STON1: variants seen among roughly 807,000 people sequenced by gnomAD.
STON1 encodes stonin-1.
A neutral mutation model predicts 60.9 loss-of-function variants in STON1; 79 were observed. The observed-to-expected ratio is 1.30, with a 90% CI of 1.08 to 1.56. STON1 has a LOEUF of 1.56. Ranked by LOEUF, STON1 falls within the 40% of genes most tolerant of loss-of-function variation. The pLI, the probability that STON1 is intolerant of heterozygous loss-of-function variation, is 0.00. For synonymous variants in STON1, 363 were observed against 306.9 expected (o/e 1.18, Z -1.91); for missense variants, 1,166 against 858.9 (o/e 1.36, Z -4.47).
intron 3 of STON1, 108 bp downstream of exon 3, chr2:48,591,963 G>GTGTGTGT: frequency 7.0e-7 from 1 of 1,438,266 alleles, no homozygotes; most frequent in Admixed American, 2.3e-5. Flanking sequence ...TGTGTGGTGA[G>GTGTGTGT]ATTTGCCCTA....
chr2:48,536,623 A>C (rs955407393), intron 1 of STON1, among the ~76,000 whole-genome samples: 1 of 150,826 alleles, frequency 6.6e-6, no homozygotes, highest in African/African-American at 2.4e-5. Flanking sequence ...GTTAGCTATT[A>C]TTACTTTTTT....
intron 1 of STON1, among the ~76,000 whole-genome samples, chr2:48,544,198 G>GTGTGTC (rs147383869): frequency 2.6e-5 from 4 of 151,844 alleles, no homozygotes; most frequent in Admixed American, 6.6e-5. Context: ...GTGTGTGTGT[G>GTGTGTC]TGTCTGTCTG....
chr2:48,542,580 C>A (rs543720400), intron 1 of STON1, among the ~76,000 whole-genome samples: 49 of 152,298 alleles, frequency 3.2e-4, no homozygotes, highest in Non-Finnish European at 5.7e-4. Context: ...CTCTCCTATT[C>A]TTATTCTTTC....
chr2:48,538,783 T>C (rs1279748058), intron 1 of STON1, among the ~76,000 whole-genome samples: 1 of 147,872 alleles, frequency 6.8e-6, no homozygotes, highest in African/African-American at 2.5e-5. Context: ...TTTTTTTTTT[T>C]TTTTTTATAT....
At chr2:48,531,507 T>C (rs1671210160) in intron 1 of STON1, 1 of 152,436 alleles carries the variant, frequency 6.6e-6, no homozygotes, top group Non-Finnish European at 1.5e-5. Context: ...CATGACAGTC[T>C]TGCTTCTGTG....
At chr2:48,590,103 C>A (rs1674426595) in intron 2 of STON1, among the ~76,000 whole-genome samples, 1 of 152,166 alleles carries the variant, frequency 6.6e-6, no homozygotes. Context: ...CTTACTGTAT[C>A]CTCACTGCAG....
Position 48,530,226 on chromosome 2 carries a change from C to G in STON1, c.-48+10C>G. ...CCCAACCGCGCTGCCGGTGAGTGACCAGCCCCAGGGGACAGAGACGGGAGG... is the reference window on the plus strand; with the variant it reads ...CCCAACCGCGCTGCCGGTGAGTGACGAGCCCCAGGGGACAGAGACGGGAGG... On this transcript the variant is annotated intron_variant, in intron 1 of 3. Transcript: ENST00000404752. The G allele has an allele frequency of 2.6e-6, 1 of 391,828 alleles. No individual in the cohort carries two copies. 24.3% of individuals were successfully genotyped at this position (391,828 alleles called of 1,614,324 possible). A position where few individuals can be genotyped will look rare whatever the true frequency, so the allele number is the denominator to read the frequency against.
chr2:48,595,616 G>T lies in STON1; in HGVS notation c.*314G>T. 1 of 322,662 alleles carries T rather than the reference G, an allele frequency of 3.1e-6. No homozygotes were observed. The allele number at this position is 322,662 out of a possible 1,614,324, so 20.0% of individuals were successfully genotyped here. ...CAGTATGATTTTTGATTACTCAGTG[G>T]CTGACTGTTTTGCTCTCTGGATTAC... On this transcript the variant is annotated 3_prime_UTR_variant, in exon 4 of 4. Transcript: ENST00000404752.
intron 1 of STON1, among the ~76,000 whole-genome samples, chr2:48,555,604 C>A (rs1220152752): frequency 2.2e-5 from 1 of 45,658 alleles, no homozygotes; most frequent in Non-Finnish European, 4.3e-5. Context: ...GGGGCTGACC[C>A]CCCCACCTCC....
Position 48,565,327 on chromosome 2 carries a change from C to T in STON1, c.-47-15260C>T, listed in dbSNP as rs192118334. On this transcript the variant is annotated intron_variant, in intron 1 of 3. Coordinates refer to ENST00000404752, the MANE Select transcript of STON1 (RefSeq NM_006873.4). The stretch of plus-strand genomic sequence containing the variant: ...TCGGCCTCCCAAAGTGCCAGGATTA[C>T]AGGCGTGAGCCACCGCGCCCAGCCT... 4.0e-3 allele frequency among the ~76,000 whole-genome samples: 609 copies of T among 152,284 alleles called. 2 individuals carry two copies. The highest frequency in any genetic ancestry group is 0.014 in the African/African-American group (582 of 41,564).
intron 1 of STON1, among the ~76,000 whole-genome samples, chr2:48,577,025 G>T (rs1353336785): frequency 6.6e-6 from 1 of 150,472 alleles, no homozygotes; most frequent in East Asian, 2.0e-4. Flanking sequence ...CTGCACTCCA[G>T]CCTGGGCGAC....
intron 1 of STON1, among the ~76,000 whole-genome samples, chr2:48,537,022 T>C (rs77125975): frequency 1.3e-5 from 2 of 152,202 alleles, no homozygotes; most frequent in Non-Finnish European, 2.9e-5. Flanking sequence ...AGTCTGCATA[T>C]AGATAATTCT....
At chr2:48,539,939 AG>A (rs1671589910) in intron 1 of STON1, among the ~76,000 whole-genome samples, 1 of 152,086 alleles carries the variant, frequency 6.6e-6, no homozygotes, top group Non-Finnish European at 1.5e-5. Flanking sequence ...TATGACCTCC[AG>A]CTTTTTGTAA....
intron 1 of STON1, among the ~76,000 whole-genome samples, chr2:48,580,283 G>T (rs1402836675): frequency 6.6e-6 from 1 of 151,950 alleles, no homozygotes. Context: ...GTCCTTCTTT[G>T]TCTCCTATGA....
Position 48,578,121 on chromosome 2 carries a change from T to A in STON1, c.-47-2466T>A, listed in dbSNP as rs545842747. Among the ~76,000 whole-genome samples, 3 of 152,222 alleles carry A rather than the reference T, an allele frequency of 2.0e-5. No homozygotes were observed. In the South Asian group the frequency reaches 6.2e-4, roughly 32 times the overall value. On this transcript the variant is annotated intron_variant, in intron 1 of 3. Coordinates refer to ENST00000404752, the MANE Select transcript of STON1 (RefSeq NM_006873.4). ...TCCAGAGTAGCTTGGAATACAGGTG[T>A]GTGCCACCAGGCCTGGCTAATTTTT...
intron 2 of STON1, among the ~76,000 whole-genome samples, chr2:48,588,725 T>C (rs1238292527): frequency 1.3e-5 from 2 of 152,148 alleles, no homozygotes; most frequent in African/African-American, 4.8e-5. Flanking sequence ...TTCCTGGGAA[T>C]TTGAGGGATC....
intron 1 of STON1, among the ~76,000 whole-genome samples, chr2:48,572,231 G>A (rs1378352587): frequency 3.9e-5 from 6 of 152,186 alleles, no homozygotes; most frequent in Non-Finnish European, 8.8e-5. Context: ...GAGGAGGGCA[G>A]TGGGAAGCAG....
chr2:48,591,627 G>C, intron 2 of STON1, 26 bp from the exon 3 acceptor site: 1 of 1,609,808 alleles, frequency 6.2e-7, no homozygotes, highest in Non-Finnish European at 8.5e-7. Flanking sequence ...AAAATACTTT[G>C]ACTATTTGAT....
chr2:48,578,272 C>G (rs1673637098), intron 1 of STON1, among the ~76,000 whole-genome samples: 1 of 152,198 alleles, frequency 6.6e-6, no homozygotes, highest in Admixed American at 6.5e-5. Context: ...GCCACTGCAC[C>G]CAGCCTCTTC....
Sources: gnomAD v4.1 joint callset for allele counts (sites outside exome capture counted in the v4.1 genomes callset) on GRCh38, gnomAD v4.1.1 for gene constraint, MANE v1.5 for transcripts, NCBI Gene and HGNC (gene_info 2026-07-23, HGNC 2026-07-21) for gene names.